The following CFAP54 variants were observed in gnomAD, a reference collection of about 807,000 sequenced individuals.
CFAP54 encodes the protein cilia and flagella associated protein 54, also known as cilia- and flagella-associated protein 54.
A neutral mutation model predicts 370.4 loss-of-function variants in CFAP54; 290 were observed. That is an observed-to-expected ratio of 0.78 (90% CI 0.71 to 0.86). CFAP54 has a LOEUF of 0.86. CFAP54 is among the 40% of genes least tolerant of loss of function. CFAP54 has a pLI of 0.00. For synonymous variants in CFAP54, 1,206 were observed against 1,236.5 expected (o/e 0.98, Z 0.52); for missense variants, 3,399 against 3,528.7 (o/e 0.96, Z 0.93).
At chr12:96,491,659 A>C (rs1954886848) in intron 1 of CFAP54, among the ~76,000 whole-genome samples, 1 of 152,228 alleles carries the variant, frequency 6.6e-6, no homozygotes, top group Non-Finnish European at 1.5e-5. Flanking sequence ...TATTTCAGGA[A>C]GAAAGGAATG....
intron 22 of CFAP54, among the ~76,000 whole-genome samples, chr12:96,585,666 A>G (rs1956070694): frequency 6.6e-6 from 1 of 152,144 alleles, no homozygotes; most frequent in African/African-American, 2.4e-5. Flanking sequence ...CTTTGGCCCC[A>G]CATCTGGGCA....
chr12:96,551,183 G>A (rs1190774650), intron 15 of CFAP54, among the ~76,000 whole-genome samples: 5 of 143,390 alleles, frequency 3.5e-5, no homozygotes, highest in East Asian at 2.5e-4. Context: ...GCCTGAGCCC[G>A]GGAAATCAAG....
chr12:96,765,937 T>C lies in CFAP54; in HGVS notation c.8281+719T>C, dbSNP rs10129053. 6.4e-3 allele frequency among the ~76,000 whole-genome samples: 973 copies of C among 152,330 alleles called. 10 individuals carry two copies. Among genetic ancestry groups the C allele is most frequent in the African/African-American group, 0.022 (915 of 41,588 alleles). ...TTTCACTCAAAAAATATTTATTGAG[T>C]GCTTCTTGTGTGCTAAGCACTTGGA... On this transcript the variant is annotated intron_variant, in intron 60 of 67. Transcript: ENST00000524981.
intron 4 of CFAP54, among the ~76,000 whole-genome samples, chr12:96,509,798 A>G (rs925028992): frequency 6.8e-6 from 1 of 146,478 alleles, no homozygotes; most frequent in African/African-American, 2.6e-5. Context: ...CTTGGGTGAC[A>G]GAGCAAGTCT....
At chr12:96,733,022 A>G (rs1957939123) in intron 50 of CFAP54, among the ~76,000 whole-genome samples, 1 of 152,204 alleles carries the variant, frequency 6.6e-6, no homozygotes, top group Non-Finnish European at 1.5e-5. Context: ...GAAATGAGAA[A>G]CTAAAAATTA....
chr12:96,614,637 C>T (rs924834526), intron 26 of CFAP54, among the ~76,000 whole-genome samples: 5 of 152,190 alleles, frequency 3.3e-5, no homozygotes, highest in Non-Finnish European at 7.3e-5. Context: ...CCCAAAATCT[C>T]CTTAAGCTGA....
At chr12:96,632,297 G>A (rs1956618087) in intron 32 of CFAP54, among the ~76,000 whole-genome samples, 2 of 151,778 alleles carry the variant, frequency 1.3e-5, no homozygotes, top group African/African-American at 4.8e-5. Context: ...AATTCTTAAT[G>A]GAGTCAAATA....
At chr12:96,562,845 A>G (rs1035114223) in intron 17 of CFAP54, among the ~76,000 whole-genome samples, 2 of 152,158 alleles carry the variant, frequency 1.3e-5, no homozygotes, top group African/African-American at 2.4e-5. Context: ...TACTTCTCCT[A>G]TGACCTGCTG....
intron 3 of CFAP54, 117 bp downstream of exon 3, chr12:96,504,146 T>TA: frequency 1.1e-6 from 1 of 935,272 alleles, no homozygotes; most frequent in Non-Finnish European, 1.5e-6. Context: ...CTGTGTGCTA[T>TA]AAGTTGCTTA....
chr12:96,676,975 C>T (rs938796002), intron 39 of CFAP54, among the ~76,000 whole-genome samples: 7 of 149,936 alleles, frequency 4.7e-5, no homozygotes, highest in African/African-American at 1.7e-4. Context: ...AGACTTCTAG[C>T]CCCAAATATC....
At chr12:96,705,864 T>C (rs965778499) in intron 47 of CFAP54, among the ~76,000 whole-genome samples, 6 of 152,212 alleles carry the variant, frequency 3.9e-5, no homozygotes, top group African/African-American at 1.4e-4. Context: ...TAAATCACTG[T>C]TTGCTGTAGA....
At chr12:96,635,099 G>A (rs1314352290) in intron 32 of CFAP54, among the ~76,000 whole-genome samples, 1 of 152,084 alleles carries the variant, frequency 6.6e-6, no homozygotes, top group Non-Finnish European at 1.5e-5. Context: ...TTTAGAATAA[G>A]CTTGTCTGTA....
chr12:96,643,263 G>T (rs11108605), intron 32 of CFAP54, among the ~76,000 whole-genome samples: 14,630 of 152,100 alleles, frequency 0.096, 857 homozygotes, highest in South Asian at 0.24. Flanking sequence ...AACATATTTA[G>T]AACTGAGTGA....
intron 60 of CFAP54, among the ~76,000 whole-genome samples, chr12:96,774,110 C>T (rs991513341): frequency 1.3e-5 from 2 of 152,060 alleles, no homozygotes; most frequent in African/African-American, 2.4e-5. Context: ...TAAGCTTGAA[C>T]ATCTTTTTGT....
intron 27 of CFAP54, 21 bp downstream of exon 27, chr12:96,621,742 T>C (rs1040558970): frequency 3.3e-6 from 5 of 1,511,248 alleles, no homozygotes; most frequent in Non-Finnish European, 4.4e-6. Flanking sequence ...TTGTTTCTCA[T>C]TTTTAAACCT....
chr12:96,798,015 G>C (rs1958784627), intron 63 of CFAP54, among the ~76,000 whole-genome samples: 1 of 151,606 alleles, frequency 6.6e-6, no homozygotes. Context: ...TTACCTTCAG[G>C]ACAACATACG....
chr12:96,677,287 C>T (rs770825159), intron 39 of CFAP54, among the ~76,000 whole-genome samples: 8 of 152,114 alleles, frequency 5.3e-5, no homozygotes, highest in Non-Finnish European at 8.8e-5. Flanking sequence ...GCTGGGATTA[C>T]AGGCATGAGC....
intron 15 of CFAP54, among the ~76,000 whole-genome samples, chr12:96,553,202 C>T (rs1279131600): frequency 3.9e-5 from 6 of 152,070 alleles, no homozygotes; most frequent in African/African-American, 7.2e-5. Context: ...AAATATGTAG[C>T]GTAGTTTTGT....
chr12:96,552,981 ACT>A (rs1313243075), intron 15 of CFAP54, among the ~76,000 whole-genome samples: 4 of 152,100 alleles, frequency 2.6e-5, no homozygotes, highest in African/African-American at 9.7e-5. Context: ...TGCTGAGCAA[ACT>A]CTTGCAATTC....
Sources: allele counts gnomAD v4.1 joint callset (sites outside exome capture counted in the v4.1 genomes callset), GRCh38; gene constraint gnomAD v4.1.1; transcripts MANE v1.5; gene names NCBI Gene and HGNC (gene_info 2026-07-23, HGNC 2026-07-21).